Variants in LACRT observed in about 807,000 individuals in gnomAD.
LACRT encodes the protein extracellular glycoprotein lacritin.
Under a neutral mutation model 14.5 loss-of-function variants are expected in LACRT, and 14 were observed. The observed-to-expected ratio is 0.96, with a 90% CI of 0.64 to 1.51. The LOEUF (loss-of-function observed/expected upper bound fraction) is 1.51. Among genes scored for constraint, LACRT ranks in the 40% most tolerant of loss-of-function variants. LACRT has a pLI of 0.00. For missense variants in LACRT, 156 were observed against 161.8 expected, an observed-to-expected ratio of 0.96 and a Z score of 0.19; for synonymous variants, 70 against 63.5, an observed-to-expected ratio of 1.10 and a Z score of -0.48.
intron 1 of LACRT, among the ~76,000 whole-genome samples, chr12:54,634,477 C>T (rs981217173): frequency 1.3e-5 from 2 of 152,138 alleles, no homozygotes; most frequent in African/African-American, 2.4e-5. Flanking sequence ...TGGGCACCCT[C>T]GTGTAGGGGA....
rs781347188 is a variant in LACRT, at chr12:54,632,300, G to A, written c.194C>T (p.Ala65Val). ...ETTTTAQETS[A>V]AAVQGTAKVT... ...CTTGGCTGTCCCCTGAACTGCTGCCGCCGAAGTCTCCTGGGCTGTTGTGGT... is the reference window on the plus strand; with the variant it reads ...CTTGGCTGTCCCCTGAACTGCTGCCACCGAAGTCTCCTGGGCTGTTGTGGT... Residue 65 changes from alanine to valine, a missense_variant, in exon 3 of 5, where the codon GCG (alanine) becomes GTG (valine). By Grantham distance (64) the Ala-to-Val change is moderately conservative. Transcript: ENST00000257867. The A allele has an allele frequency of 1.1e-5, 18 of 1,614,122 alleles. No homozygotes were observed. In the South Asian group the frequency reaches 1.3e-4, roughly 12 times the overall value.
chr12:54,633,619 A>G lies in LACRT; in HGVS notation c.59-386T>C, dbSNP rs1958168092. Among the ~76,000 whole-genome samples the G allele has an allele frequency of 2.0e-5, 3 of 152,094 alleles. No individual in the cohort carries two copies. In the South Asian group the frequency reaches 6.2e-4, roughly 32 times the overall value. On this transcript the variant is annotated intron_variant, in intron 1 of 4. Transcript: ENST00000257867. ...GGGGTTATGGGGCCATATTTGAGCG[A>G]TTTGCAGGATTGAGACCCCAGCCTT...
chr12:54,631,158 G>C (rs780742336), intron 4 of LACRT, among the ~76,000 whole-genome samples: 1 of 152,332 alleles, frequency 6.6e-6, no homozygotes, highest in Middle Eastern at 3.4e-3. Flanking sequence ...CAGGGGACAA[G>C]AATAGAAACA....
intron 2 of LACRT, 30 bp downstream of exon 2, chr12:54,633,150 G>C (rs771677355): frequency 6.2e-7 from 1 of 1,610,360 alleles, no homozygotes; most frequent in Admixed American, 1.7e-5. Flanking sequence ...TCCCAACGAG[G>C]GCTAGGGCAG....
chr12:54,632,900 C>T (rs1958162565), intron 2 of LACRT, among the ~76,000 whole-genome samples: 1 of 152,024 alleles, frequency 6.6e-6, no homozygotes, highest in Non-Finnish European at 1.5e-5. Flanking sequence ...AGACATTGCC[C>T]TTACCACTTA....
chr12:54,630,930 A>T lies in LACRT; in HGVS notation c.379T>A (p.Leu127Ile). 1 of 1,612,300 alleles carries T rather than the reference A, an allele frequency of 6.2e-7. No individual in the cohort carries two copies. The highest frequency in any genetic ancestry group is 1.7e-4 in the Middle Eastern group (1 of 6,054). ...TTTAATAGACTGAATTTCTTCAGTA[A>T]TTTTTGTGCAAATTCACTTCCATCT... ...IENGSEFAQK[L>I]LKKFSLLKPW... The change falls in exon 5 of 5, where the codon TTA (leucine) becomes ATA (isoleucine). Residue 127 changes from leucine (L) to isoleucine (I), a missense_variant. Transcript: ENST00000257867.
In LACRT at chr12:54,632,286, C is replaced by T. The variant is rs758466807; in HGVS notation, c.208G>A (p.Gly70Arg). The T allele has an allele frequency of 1.2e-6, 2 of 1,614,076 alleles. No homozygotes were observed. Among genetic ancestry groups the T allele is most frequent in the Non-Finnish European group, 8.5e-7 (1 of 1,180,004 alleles). Residue 70 changes from glycine (G) to arginine (R), a missense_variant, in exon 3 of 5, where the codon GGG (glycine) becomes AGG (arginine). Transcript: ENST00000257867. The part of the protein sequence containing the change: ...AQETSAAAVQ[G>R]TAKVTSSRQE... ...CTGCTTGAGGTGACCTTGGCTGTCCCCTGAACTGCTGCCGCCGAAGTCTCC... is the reference window on the plus strand; with the variant it reads ...CTGCTTGAGGTGACCTTGGCTGTCCTCTGAACTGCTGCCGCCGAAGTCTCC...
chr12:54,631,608 G>A, intron 4 of LACRT, 130 bp downstream of exon 4: 2 of 706,110 alleles, frequency 2.8e-6, no homozygotes, highest in Non-Finnish European at 5.1e-6. Flanking sequence ...TTCAACAGCA[G>A]GGGCTGTGGC....
intron 2 of LACRT, among the ~76,000 whole-genome samples, chr12:54,632,903 ACCACTTAACCT>A (rs1592196633): frequency 6.6e-6 from 1 of 152,056 alleles, no homozygotes; most frequent in East Asian, 1.9e-4. Flanking sequence ...CATTGCCCTT[ACCACTTAACCT>A]CATGTTTCTC....
At chr12:54,632,423 G>A in intron 2 of LACRT, 42 bp from the exon 3 acceptor site, 1 of 1,608,018 alleles carries the variant, frequency 6.2e-7, no homozygotes, top group Non-Finnish European at 8.5e-7. Context: ...AAGTGAAAGT[G>A]TTTGTTTCTT....
At chr12:54,631,205 C>T (rs543933249) in intron 4 of LACRT, among the ~76,000 whole-genome samples, 10 of 152,180 alleles carry the variant, frequency 6.6e-5, no homozygotes, top group Non-Finnish European at 1.5e-4. Flanking sequence ...GGGTTAGACC[C>T]CAGGTGAATC....
Position 54,632,238 on chromosome 12 carries a change from TACTC to T in LACRT, c.252_253+2del. ...TTGATCTGGCATAGAGACAGAGACT[TACTC>T]AGGGGGTTTAGTTCCTGCCTGCTTG... On this transcript the variant is annotated splice_donor_variant and coding_sequence_variant, in exon 3 of 5. Transcript: ENST00000257867. LOFTEE classifies it high-confidence loss of function. 1 of 1,613,976 alleles carries T rather than the reference TACTC, an allele frequency of 6.2e-7. No homozygotes were observed. The highest frequency in any genetic ancestry group is 8.5e-7 in the Non-Finnish European group (1 of 1,179,910).
At chr12:54,633,126 T>C in intron 2 of LACRT, 54 bp downstream of exon 2, 1 of 1,561,414 alleles carries the variant, frequency 6.4e-7, no homozygotes, top group Non-Finnish European at 8.8e-7. Flanking sequence ...CTCACATCCC[T>C]AACTGTTAAA....
chr12:54,631,074 A>C, intron 4 of LACRT, 121 bp from the exon 5 acceptor site: 1 of 680,592 alleles, frequency 1.5e-6, no homozygotes, highest in Non-Finnish European at 2.6e-6. Context: ...AGAGGCTTAC[A>C]CAGAAGTTGG....
chr12:54,633,612 T>A (rs1419056330), intron 1 of LACRT, among the ~76,000 whole-genome samples: 1 of 152,088 alleles, frequency 6.6e-6, no homozygotes, highest in East Asian at 1.9e-4. Flanking sequence ...GGGGCCATAT[T>A]TGAGCGATTT....
intron 1 of LACRT, among the ~76,000 whole-genome samples, chr12:54,634,247 G>A (rs529396859): frequency 1.5e-3 from 233 of 151,874 alleles, no homozygotes; most frequent in Non-Finnish European, 2.8e-3. Flanking sequence ...AGCTACCCAG[G>A]AGGCTGAGGC....
chr12:54,632,476 G>A, intron 2 of LACRT, 95 bp from the exon 3 acceptor site: 2 of 1,444,134 alleles, frequency 1.4e-6, no homozygotes, highest in Non-Finnish European at 1.9e-6. Flanking sequence ...ATGTGTGCTG[G>A]GTGCCAGGAT....
chr12:54,634,789 T>C lies in LACRT; in HGVS notation c.53A>G (p.Tyr18Cys). 1 of 1,613,710 alleles carries C rather than the reference T, an allele frequency of 6.2e-7. No individual in the cohort carries two copies. The highest frequency in any genetic ancestry group is 8.5e-7 in the Non-Finnish European group (1 of 1,179,716). ...FLAAVAGALV[Y>C]AEDASSDSTG... ...AGAGGAAAGGCCATACTCACCAGCA[T>C]AGACCAGGGCCCCTGCTACAGCTGC... The change falls in exon 1 of 5, where the codon TAT becomes TGT. Residue 18 changes from tyrosine (Y) to cysteine (C), a missense_variant. Transcript: ENST00000257867.
intron 1 of LACRT, among the ~76,000 whole-genome samples, chr12:54,634,559 T>C (rs1284170617): frequency 6.6e-6 from 1 of 151,624 alleles, no homozygotes; most frequent in Admixed American, 6.6e-5. Context: ...TAAACAATGG[T>C]GTGTGAGGAG....
Sources: allele counts gnomAD v4.1 joint callset (sites outside exome capture counted in the v4.1 genomes callset), GRCh38; gene constraint gnomAD v4.1.1; transcripts MANE v1.5; gene names NCBI Gene and HGNC (gene_info 2026-07-23, HGNC 2026-07-21).